Variants in KLHL29 observed in about 807,000 individuals in gnomAD.
KLHL29 encodes the protein kelch-like protein 29.
Under a neutral mutation model 80.4 loss-of-function variants are expected in KLHL29, and 21 were observed. The observed-to-expected ratio is 0.26, with a 90% CI of 0.19 to 0.38. The LOEUF is 0.38. Ranked by LOEUF, KLHL29 falls within the 10% of genes least tolerant of loss-of-function variation. The pLI is 1.00. For missense variants in KLHL29, 867 were observed against 1,223.9 expected (o/e 0.71, Z 4.35); for synonymous variants, 511 against 526.8 (o/e 0.97, Z 0.41).
chr2:23,611,078 A>T (rs1016079220), intron 3 of KLHL29, among the ~76,000 whole-genome samples: 1 of 152,132 alleles, frequency 6.6e-6, no homozygotes, highest in African/African-American at 2.4e-5. Context: ...ATGATCAATG[A>T]GGAAATGCTG....
intron 2 of KLHL29, among the ~76,000 whole-genome samples, chr2:23,487,965 G>A (rs1056042645): frequency 6.6e-5 from 10 of 152,192 alleles, no homozygotes; most frequent in African/African-American, 2.4e-4. Flanking sequence ...ACAGTAACCA[G>A]CCCGAGGGGA....
At chr2:23,563,734 C>T (rs752952180) in intron 3 of KLHL29, among the ~76,000 whole-genome samples, 1 of 152,232 alleles carries the variant, frequency 6.6e-6, no homozygotes, top group Non-Finnish European at 1.5e-5. Context: ...CAGAGCCTGG[C>T]AGAGGCTGAG....
chr2:23,698,674 C>T (rs151293748), intron 11 of KLHL29, among the ~76,000 whole-genome samples: 235 of 152,102 alleles, frequency 1.5e-3, no homozygotes, highest in African/African-American at 5.4e-3. Flanking sequence ...TATAAATAAC[C>T]GGGTCTAATA....
At chr2:23,580,401 C>T (rs1349285295) in intron 3 of KLHL29, among the ~76,000 whole-genome samples, 2 of 132,424 alleles carry the variant, frequency 1.5e-5, no homozygotes, top group East Asian at 2.5e-4. Flanking sequence ...TTAGGCCAGG[C>T]GCGGTGGCTC....
chr2:23,470,768 G>A (rs1196592882), intron 1 of KLHL29, among the ~76,000 whole-genome samples: 2 of 152,094 alleles, frequency 1.3e-5, no homozygotes, highest in Non-Finnish European at 2.9e-5. Flanking sequence ...TGTGCTGGGT[G>A]GACTCTCATG....
chr2:23,690,946 C>T (rs1251493951), intron 6 of KLHL29: 1 of 153,182 alleles, frequency 6.5e-6, no homozygotes, highest in Non-Finnish European at 1.5e-5. Flanking sequence ...ACCCCGTGTT[C>T]CATGTGGCAG....
intron 2 of KLHL29, among the ~76,000 whole-genome samples, chr2:23,552,761 C>CTTGTTTTTTTTTTTTTTTTTTTT (rs1667160655): frequency 1.0e-5 from 1 of 95,576 alleles, no homozygotes; most frequent in Non-Finnish European, 1.9e-5. Flanking sequence ...GGTTTCTTTT[C>CTTGTTTTTTTTTTTTTTTTTTTT]TTTTTTTTTT....
chr2:23,490,602 A>C (rs528915556), intron 2 of KLHL29, among the ~76,000 whole-genome samples: 1 of 152,142 alleles, frequency 6.6e-6, no homozygotes, highest in Non-Finnish European at 1.5e-5. Flanking sequence ...ACCATGGGGG[A>C]AAAAACCCAC....
At position 23,707,467 on chromosome 2, in the gene KLHL29, T is replaced by A. The variant is rs908399004; in HGVS notation, c.*803T>A. ...TTGTGGGAATTCCCAAAGCTCTTTGTAGGTAGTGCCAGAGGGGGGCTTTTG... is the reference window on the plus strand; with the variant it reads ...TTGTGGGAATTCCCAAAGCTCTTTGAAGGTAGTGCCAGAGGGGGGCTTTTG... On this transcript the variant is annotated 3_prime_UTR_variant, in exon 14 of 14. Transcript: ENST00000486442. 1 of 152,244 alleles carries A rather than the reference T, an allele frequency of 6.6e-6. No homozygotes were observed. The highest frequency in any genetic ancestry group is 1.9e-4 in the East Asian group (1 of 5,194). 9.4% of individuals were successfully genotyped at this position (152,244 alleles called of 1,614,324 possible). A position where few individuals can be genotyped will look rare whatever the true frequency, so the allele number is the denominator to read the frequency against.
intron 5 of KLHL29, among the ~76,000 whole-genome samples, chr2:23,654,259 A>G (rs977506067): frequency 6.6e-6 from 1 of 151,984 alleles, no homozygotes; most frequent in Non-Finnish European, 1.5e-5. Flanking sequence ...TGGAGTCCAG[A>G]GCACCTTCGA....
intron 2 of KLHL29, among the ~76,000 whole-genome samples, chr2:23,493,223 G>A (rs140679397): frequency 7.9e-4 from 121 of 152,242 alleles, no homozygotes; most frequent in Middle Eastern, 6.8e-3. Flanking sequence ...CTCCCAGGGG[G>A]CCTCTGGGAG....
chr2:23,423,888 C>T (rs1662926497), intron 1 of KLHL29, among the ~76,000 whole-genome samples: 1 of 152,208 alleles, frequency 6.6e-6, no homozygotes, highest in African/African-American at 2.4e-5. Flanking sequence ...TGAAGACGAG[C>T]AGGGAGCTTT....
intron 2 of KLHL29, among the ~76,000 whole-genome samples, chr2:23,555,265 C>A (rs967081620): frequency 6.6e-5 from 10 of 152,188 alleles, no homozygotes; most frequent in African/African-American, 2.2e-4. Flanking sequence ...TTGACTGTGT[C>A]TTTTTCCTCA....
chr2:23,610,498 T>A (rs1019649854), intron 3 of KLHL29, among the ~76,000 whole-genome samples: 26 of 152,220 alleles, frequency 1.7e-4, no homozygotes, highest in Non-Finnish European at 4.4e-5. Flanking sequence ...TTTAAAGACG[T>A]GGTCATCTCT....
chr2:23,591,427 C>G (rs1410413018), intron 3 of KLHL29, among the ~76,000 whole-genome samples: 4 of 152,104 alleles, frequency 2.6e-5, no homozygotes, highest in Non-Finnish European at 4.4e-5. Context: ...CACAGCACTT[C>G]AGACTCACTT....
chr2:23,606,086 A>G (rs1668715105), intron 3 of KLHL29, among the ~76,000 whole-genome samples: 1 of 151,918 alleles, frequency 6.6e-6, no homozygotes, highest in Non-Finnish European at 1.5e-5. Context: ...AACCTGTCTT[A>G]AAGGACAAGT....
intron 1 of KLHL29, among the ~76,000 whole-genome samples, chr2:23,469,477 C>T (rs183629125): frequency 2.6e-4 from 39 of 152,214 alleles, no homozygotes; most frequent in African/African-American, 8.9e-4. Context: ...CAGGCAGAGG[C>T]GAAGCATCCT....
intron 1 of KLHL29, among the ~76,000 whole-genome samples, chr2:23,399,994 C>G (rs1666548377): frequency 6.6e-6 from 1 of 152,194 alleles, no homozygotes; most frequent in African/African-American, 2.4e-5. Context: ...GGTTTGGAGA[C>G]CGCTGACAGT....
At chr2:23,482,963 C>T (rs1030670406) in intron 2 of KLHL29, among the ~76,000 whole-genome samples, 2 of 152,144 alleles carry the variant, frequency 1.3e-5, no homozygotes, top group African/African-American at 2.4e-5. Flanking sequence ...GCTCTCAGTC[C>T]GGTGGGGCAG....
Sources: gnomAD v4.1 joint callset for allele counts (sites outside exome capture counted in the v4.1 genomes callset) on GRCh38, gnomAD v4.1.1 for gene constraint, MANE v1.5 for transcripts, NCBI Gene and HGNC (gene_info 2026-07-23, HGNC 2026-07-21) for gene names.